Variants in BMP6 observed in about 807,000 individuals in gnomAD.
BMP6 encodes the protein bone morphogenetic protein 6.
A neutral mutation model predicts 54.1 loss-of-function variants in BMP6; 17 were observed. That is an observed-to-expected ratio of 0.31 (90% CI 0.22 to 0.47). BMP6 has a LOEUF of 0.47. Among genes scored for constraint, BMP6 ranks in the 20% least tolerant of loss-of-function variants. The pLI is 1.00. For synonymous variants in BMP6, 328 were observed against 291.2 expected (o/e 1.13, Z -1.28); for missense variants, 720 against 690.4 (o/e 1.04, Z -0.48).
At chr6:7,862,887 T>A (rs1281565778) in intron 4 of BMP6, among the ~76,000 whole-genome samples, 1 of 152,212 alleles carries the variant, frequency 6.6e-6, no homozygotes, top group African/African-American at 2.4e-5. Flanking sequence ...AGTTGTGTAA[T>A]ATGAACTTGT....
At chr6:7,842,577 A>T (rs1414165042) in intron 1 of BMP6, among the ~76,000 whole-genome samples, 1 of 152,322 alleles carries the variant, frequency 6.6e-6, no homozygotes, top group East Asian at 1.9e-4. Flanking sequence ...CCAGCCTTGG[A>T]AGTCACTCAG....
intron 1 of BMP6, among the ~76,000 whole-genome samples, chr6:7,731,558 C>T (rs184656369): frequency 1.2e-4 from 18 of 152,336 alleles, no homozygotes; most frequent in African/African-American, 4.8e-5. Context: ...AGCCCAAGTG[C>T]CTAACATAAT....
At chr6:7,840,636 A>C (rs1202012847) in intron 1 of BMP6, among the ~76,000 whole-genome samples, 1 of 152,040 alleles carries the variant, frequency 6.6e-6, no homozygotes, top group African/African-American at 2.4e-5. Flanking sequence ...TGTCTTCCCT[A>C]TTTTATTTAG....
chr6:7,787,879 A>C (rs1758042016), intron 1 of BMP6, among the ~76,000 whole-genome samples: 1 of 152,120 alleles, frequency 6.6e-6, no homozygotes. Context: ...CTTTTTGCTG[A>C]TAGGTGGGTT....
rs527404909 is a variant in BMP6 at position 7,854,913 on chromosome 6, AAG to A, written c.858-6533_858-6532del. Among the ~76,000 whole-genome samples, 78 of 152,292 alleles carry A rather than the reference AAG, an allele frequency of 5.1e-4. No individual in the cohort carries two copies. In the East Asian group the frequency reaches 8.5e-3, roughly 17 times the overall value. On this transcript the variant is annotated intron_variant, in intron 2 of 6. Transcript: ENST00000283147. Reference sequence around the variant, plus strand: ...AAGCATTGTTGTGTTTATGTGGCCAAAGAGAGCAGACTGGGTAGCCGTCAGTT... The same window carrying A: ...AAGCATTGTTGTGTTTATGTGGCCAAAGAGCAGACTGGGTAGCCGTCAGTT...
At chr6:7,747,081 C>A (rs541231642) in intron 1 of BMP6, among the ~76,000 whole-genome samples, 3 of 152,134 alleles carry the variant, frequency 2.0e-5, no homozygotes, top group African/African-American at 7.2e-5. Context: ...TTTTATTTAC[C>A]GAGGACAATC....
At chr6:7,790,744 T>C (rs1454788089) in intron 1 of BMP6, among the ~76,000 whole-genome samples, 1 of 152,044 alleles carries the variant, frequency 6.6e-6, no homozygotes, top group Non-Finnish European at 1.5e-5. Context: ...CAAAACAGAA[T>C]ACCACACAAC....
chr6:7,871,464 T>A (rs1759523332), intron 4 of BMP6, among the ~76,000 whole-genome samples: 1 of 152,224 alleles, frequency 6.6e-6, no homozygotes, highest in Non-Finnish European at 1.5e-5. Flanking sequence ...GGGGGGCTTT[T>A]ATGATTGTTG....
chr6:7,840,681 T>C (rs1042529602), intron 1 of BMP6, among the ~76,000 whole-genome samples: 4 of 152,198 alleles, frequency 2.6e-5, no homozygotes, highest in South Asian at 2.1e-4. Flanking sequence ...AGTGGTAGAG[T>C]TAGAGCATGC....
chr6:7,854,203 C>T (rs1285292935), intron 2 of BMP6, among the ~76,000 whole-genome samples: 1 of 152,110 alleles, frequency 6.6e-6, no homozygotes, highest in Non-Finnish European at 1.5e-5. Flanking sequence ...ATTCATGCCT[C>T]GAAACAGATC....
At chr6:7,830,035 G>A (rs1758770187) in intron 1 of BMP6, among the ~76,000 whole-genome samples, 1 of 152,086 alleles carries the variant, frequency 6.6e-6, no homozygotes. Flanking sequence ...TCAGCCTGAC[G>A]GTCCTGTGTT....
chr6:7,805,833 T>A (rs1758339437), intron 1 of BMP6, among the ~76,000 whole-genome samples: 1 of 152,218 alleles, frequency 6.6e-6, no homozygotes, highest in Non-Finnish European at 1.5e-5. Flanking sequence ...CATTAAAATC[T>A]TAAATATGCC....
At chr6:7,771,631 A>G (rs567546127) in intron 1 of BMP6, among the ~76,000 whole-genome samples, 5 of 152,228 alleles carry the variant, frequency 3.3e-5, no homozygotes, top group African/African-American at 1.2e-4. Flanking sequence ...TCATGGTCGT[A>G]TTTGCTGGCC....
At chr6:7,872,544 C>A (rs1400332051) in intron 4 of BMP6, among the ~76,000 whole-genome samples, 1 of 152,198 alleles carries the variant, frequency 6.6e-6, no homozygotes, top group East Asian at 1.9e-4. Context: ...ACAAAAATGC[C>A]AGTGTCTGGC....
chr6:7,753,026 G>T (rs1466271720), intron 1 of BMP6, among the ~76,000 whole-genome samples: 1 of 151,978 alleles, frequency 6.6e-6, no homozygotes, highest in South Asian at 2.1e-4. Context: ...CTCATTTTAA[G>T]ATTTTACATT....
intron 1 of BMP6, among the ~76,000 whole-genome samples, chr6:7,799,641 C>T (rs1001775463): frequency 6.6e-6 from 1 of 151,808 alleles, no homozygotes; most frequent in African/African-American, 2.4e-5. Context: ...GAGTAGTCCT[C>T]ACCGCTCAGC....
chr6:7,764,135 C>G (rs550726450), intron 1 of BMP6, among the ~76,000 whole-genome samples: 3 of 152,114 alleles, frequency 2.0e-5, no homozygotes, highest in African/African-American at 7.2e-5. Flanking sequence ...GTGTCTCCTC[C>G]GTATTCCAGG....
chr6:7,874,928 G>GAT (rs58104001), intron 4 of BMP6, among the ~76,000 whole-genome samples: 19,440 of 151,448 alleles, frequency 0.13, 1,286 homozygotes, highest in African/African-American at 0.15. Context: ...GATATATGGA[G>GAT]ATATATATAT....
At chr6:7,737,565 G>A (rs965861474) in intron 1 of BMP6, among the ~76,000 whole-genome samples, 4 of 152,030 alleles carry the variant, frequency 2.6e-5, no homozygotes, top group African/African-American at 9.7e-5. Flanking sequence ...ATCGTAGGAT[G>A]ATCCCACGTA....
Sources: allele counts gnomAD v4.1 joint callset (sites outside exome capture counted in the v4.1 genomes callset), GRCh38; gene constraint gnomAD v4.1.1; transcripts MANE v1.5; gene names NCBI Gene and HGNC (gene_info 2026-07-23, HGNC 2026-07-21).